The following KIAA1671 variants were observed in gnomAD, a reference collection of about 807,000 sequenced individuals.
KIAA1671 encodes the protein KIAA1671.
Under a neutral mutation model 131.2 loss-of-function variants are expected in KIAA1671, and 52 were observed. That is an observed-to-expected ratio of 0.40 (90% CI 0.32 to 0.50). The LOEUF is 0.50. Among genes scored for constraint, KIAA1671 ranks in the 20% least tolerant of loss-of-function variants. The pLI is 0.73. For synonymous variants in KIAA1671, 1,003 were observed against 961.6 expected (o/e 1.04, Z -0.80); for missense variants, 2,360 against 2,364.2 (o/e 1.00, Z 0.04).
At chr22:25,130,905 C>T (rs1431322866) in intron 6 of KIAA1671, among the ~76,000 whole-genome samples, 1 of 152,246 alleles carries the variant, frequency 6.6e-6, no homozygotes, top group Non-Finnish European at 1.5e-5. Flanking sequence ...CCTCCCATAA[C>T]TTACCCACCA....
chr22:25,124,266 T>C (rs925179797), intron 6 of KIAA1671, among the ~76,000 whole-genome samples: 19 of 152,348 alleles, frequency 1.2e-4, no homozygotes, highest in East Asian at 7.7e-4. Context: ...TGCAGAGATA[T>C]GAGAGCATGG....
chr22:24,966,661 A>G (rs1214704194), intron 1 of KIAA1671, among the ~76,000 whole-genome samples: 1 of 152,190 alleles, frequency 6.6e-6, no homozygotes, highest in Non-Finnish European at 1.5e-5. Context: ...ATGTATTAAA[A>G]TGAGTCCTGG....
At chr22:24,993,052 G>A (rs909915484) in intron 1 of KIAA1671, among the ~76,000 whole-genome samples, 7 of 152,010 alleles carry the variant, frequency 4.6e-5, no homozygotes, top group Non-Finnish European at 1.0e-4. Flanking sequence ...CAGTTGCCAG[G>A]TGCTGATCTC....
chr22:25,147,155 C>CTATTTTATTTTATTT (rs10526199), intron 6 of KIAA1671, among the ~76,000 whole-genome samples: 189 of 139,060 alleles, frequency 1.4e-3, no homozygotes, highest in Middle Eastern at 3.6e-3. Context: ...TTATTTTTTA[C>CTATTTTATTTTATTT]TATTTTATTT....
At chr22:25,000,580 A>C (rs1020264986) in intron 1 of KIAA1671, among the ~76,000 whole-genome samples, 18 of 145,666 alleles carry the variant, frequency 1.2e-4, no homozygotes, top group Non-Finnish European at 2.6e-4. Flanking sequence ...TCAGTGGCGC[A>C]GTCTTGGCTC....
In KIAA1671 at chr22:25,117,495, C is replaced by T. The variant is rs1184601203; in HGVS notation, c.4531-53325C>T. On this transcript the variant is annotated intron_variant, in intron 6 of 12. Transcript: ENST00000358431. ...AGAGCTGAGCGTTCAGTCCTCCAGCCCAAGGCCGAGTGGGAGTATTTGCTT... is the reference window on the plus strand; with the variant it reads ...AGAGCTGAGCGTTCAGTCCTCCAGCTCAAGGCCGAGTGGGAGTATTTGCTT... 5.9e-5 allele frequency among the ~76,000 whole-genome samples: 9 copies of T among 151,962 alleles called. No individual in the cohort carries two copies. The East Asian group carries it at 1.7e-3, about 30-fold the overall frequency.
chr22:25,162,439 A>G (rs1933478767), intron 6 of KIAA1671, among the ~76,000 whole-genome samples: 1 of 152,176 alleles, frequency 6.6e-6, no homozygotes, highest in African/African-American at 2.4e-5. Context: ...GCCCTGACTC[A>G]GGGTTCTTTC....
intron 6 of KIAA1671, among the ~76,000 whole-genome samples, chr22:25,145,205 T>A (rs1932859191): frequency 6.6e-6 from 1 of 152,182 alleles, no homozygotes; most frequent in Non-Finnish European, 1.5e-5. Flanking sequence ...CAACATTCTA[T>A]AAATAGGGAC....
intron 1 of KIAA1671, among the ~76,000 whole-genome samples, chr22:24,991,152 T>C (rs1412992639): frequency 6.6e-6 from 1 of 152,142 alleles, no homozygotes; most frequent in Non-Finnish European, 1.5e-5. Context: ...CCTGAGTAGC[T>C]GGGACTACAG....
At chr22:25,112,193 G>A in intron 6 of KIAA1671, 1 of 399,076 alleles carries the variant, frequency 2.5e-6, no homozygotes, top group Non-Finnish European at 4.4e-6. Flanking sequence ...TTACCTGGGA[G>A]ATAAACTCAC....
At chr22:25,104,068 T>C (rs1026717726) in intron 6 of KIAA1671, among the ~76,000 whole-genome samples, 7 of 152,148 alleles carry the variant, frequency 4.6e-5, no homozygotes, top group African/African-American at 1.4e-4. Context: ...AACCTCGGCC[T>C]CCTGGGTTCA....
Position 25,101,104 on chromosome 22 carries a change from T to C in KIAA1671, c.4530+51740T>C, listed in dbSNP as rs570399022. Among the ~76,000 whole-genome samples the C allele has an allele frequency of 7.6e-4, 115 of 152,296 alleles. 2 individuals carry two copies. In the South Asian group the frequency reaches 0.023, roughly 31 times the overall value. The stretch of plus-strand genomic sequence containing the variant: ...GCCAACAGTATGGAACTTCAGTCGC[T>C]GTGGTGGAAAGAAACGTGTTGTCCA... On this transcript the variant is annotated intron_variant, in intron 6 of 12. Coordinates refer to ENST00000358431, the MANE Select transcript of KIAA1671 (RefSeq NM_001145206.2).
intron 6 of KIAA1671, chr22:25,061,189 G>C (rs1928139662): frequency 6.6e-6 from 1 of 152,216 alleles, no homozygotes; most frequent in South Asian, 2.1e-4. Flanking sequence ...AGCCTATAGT[G>C]AGAAACTTAT....
At chr22:25,097,749 A>G (rs1178196990) in intron 6 of KIAA1671, among the ~76,000 whole-genome samples, 1 of 151,568 alleles carries the variant, frequency 6.6e-6, no homozygotes, top group Admixed American at 6.6e-5. Context: ...AAAAAAAAAA[A>G]TCGTAAAATA....
intron 6 of KIAA1671, among the ~76,000 whole-genome samples, chr22:25,122,767 G>T (rs531743760): frequency 6.6e-6 from 1 of 152,300 alleles, no homozygotes; most frequent in East Asian, 1.9e-4. Flanking sequence ...GAGGTCAGGA[G>T]ATCGAGACCA....
chr22:25,190,354 A>AGCAGCTG (rs1449047933), intron 11 of KIAA1671, among the ~76,000 whole-genome samples: 5 of 152,314 alleles, frequency 3.3e-5, no homozygotes, highest in African/African-American at 1.2e-4. Context: ...GATCAGGTGG[A>AGCAGCTG]ATGTGAGTGA....
At chr22:25,161,378 A>G (rs2145994534) in intron 6 of KIAA1671, among the ~76,000 whole-genome samples, 1 of 152,368 alleles carries the variant, frequency 6.6e-6, no homozygotes, top group African/African-American at 2.4e-5. Context: ...AGAGGAGCTG[A>G]CATCAGTGTG....
intron 6 of KIAA1671, among the ~76,000 whole-genome samples, chr22:25,091,796 C>G (rs188531407): frequency 6.6e-6 from 1 of 152,228 alleles, no homozygotes; most frequent in Non-Finnish European, 1.5e-5. Context: ...TGCTGAGCCC[C>G]CGCTGACTGA....
At chr22:25,108,095 T>C (rs1440646554) in intron 6 of KIAA1671, among the ~76,000 whole-genome samples, 1 of 152,224 alleles carries the variant, frequency 6.6e-6, no homozygotes, top group Non-Finnish European at 1.5e-5. Context: ...TTTAAGACTT[T>C]TGATTTAGGG....
Sources: gnomAD v4.1 joint callset for allele counts (sites outside exome capture counted in the v4.1 genomes callset) on GRCh38, gnomAD v4.1.1 for gene constraint, MANE v1.5 for transcripts, NCBI Gene and HGNC (gene_info 2026-07-23, HGNC 2026-07-21) for gene names.